The following SAMD5 variants were observed in gnomAD, a reference collection of about 807,000 sequenced individuals.
SAMD5 encodes sterile alpha motif domain-containing protein 5.
Under a neutral mutation model 11.3 loss-of-function variants are expected in SAMD5, and 13 were observed. The observed-to-expected ratio is 1.15, with a 90% CI of 0.75 to 1.83. SAMD5 has a LOEUF of 1.83. Among genes scored for constraint, SAMD5 ranks in the 40% most tolerant of loss-of-function variants. The pLI is 0.00. For synonymous variants in SAMD5, 129 were observed against 111.3 expected (o/e 1.16, Z -1.00); for missense variants, 255 against 239.1 (o/e 1.07, Z -0.44).
At chr6:147,708,592 T>A (rs1431404885) in intron 1 of SAMD5, among the ~76,000 whole-genome samples, 1 of 152,220 alleles carries the variant, frequency 6.6e-6, no homozygotes, top group Admixed American at 6.5e-5. Flanking sequence ...GAAGTGGAAA[T>A]ATTTCTAGAA....
At chr6:147,601,957 A>G (rs1410947853) in intron 1 of SAMD5, among the ~76,000 whole-genome samples, 3 of 152,210 alleles carry the variant, frequency 2.0e-5, no homozygotes, top group African/African-American at 7.2e-5. Flanking sequence ...TTGTCCTAAA[A>G]GAAGGGGCTG....
intron 1 of SAMD5, among the ~76,000 whole-genome samples, chr6:147,577,855 A>G (rs1789239146): frequency 6.6e-6 from 1 of 151,924 alleles, no homozygotes; most frequent in South Asian, 2.1e-4. Flanking sequence ...AACTGAATAT[A>G]TATGTAAATC....
chr6:147,647,134 C>A (rs796466107), intron 1 of SAMD5, among the ~76,000 whole-genome samples: 11 of 151,654 alleles, frequency 7.3e-5, no homozygotes, highest in African/African-American at 2.2e-4. Context: ...GCCATTGCAC[C>A]CCAGCCTGAG....
At chr6:147,790,522 A>G in the SAMD5 span, among the ~76,000 whole-genome samples, 1 of 152,212 alleles carries the variant, frequency 6.6e-6, no homozygotes, top group African/African-American at 2.4e-5. Context: ...TGCAAAGTTG[A>G]CAAGGGGTGA....
the SAMD5 span, among the ~76,000 whole-genome samples, chr6:147,930,753 G>A: frequency 6.6e-6 from 1 of 152,166 alleles, no homozygotes; most frequent in African/African-American, 2.4e-5. Context: ...GGAGTCTGAT[G>A]TGCAAAGGCA....
At chr6:147,664,158 T>C (rs1790685038) in intron 1 of SAMD5, among the ~76,000 whole-genome samples, 1 of 152,162 alleles carries the variant, frequency 6.6e-6, no homozygotes, top group South Asian at 2.1e-4. Context: ...TTAAATTTTC[T>C]GGTGCTGGAT....
At chr6:147,636,590 T>C (rs1402683010) in intron 1 of SAMD5, among the ~76,000 whole-genome samples, 1 of 152,220 alleles carries the variant, frequency 6.6e-6, no homozygotes, top group African/African-American at 2.4e-5. Flanking sequence ...TCTGTCACTT[T>C]TTACCAATTT....
Position 147,598,626 on chromosome 6 carries a change from A to G in SAMD5, c.162+89239A>G, listed in dbSNP as rs553732538. On this transcript the variant is annotated intron_variant, in intron 1 of 1. Transcript: ENST00000566741. Reference sequence around the variant, plus strand: ...GTAGCCATGAGAAATTGCACTGGGAAGACCGAATAGAATCCAGACATCTCG... The same window carrying G: ...GTAGCCATGAGAAATTGCACTGGGAGGACCGAATAGAATCCAGACATCTCG... 5.3e-5 allele frequency among the ~76,000 whole-genome samples: 8 copies of G among 152,310 alleles called. No homozygotes were observed. In the South Asian group the frequency reaches 1.7e-3, roughly 32 times the overall value.
the SAMD5 span, among the ~76,000 whole-genome samples, chr6:147,756,454 T>C: frequency 3.3e-5 from 5 of 152,194 alleles, no homozygotes; most frequent in African/African-American, 1.2e-4. Flanking sequence ...TAAAAACGTT[T>C]AAAAAGTGGT....
intron 1 of SAMD5, among the ~76,000 whole-genome samples, chr6:147,641,221 A>G (rs1790307405): frequency 6.6e-6 from 1 of 152,212 alleles, no homozygotes; most frequent in African/African-American, 2.4e-5. Flanking sequence ...TGATTCAAAT[A>G]TGGATGTCCA....
intron 1 of SAMD5, among the ~76,000 whole-genome samples, chr6:147,638,106 TCTCTCTCTCCCTCC>T (rs1158910459): frequency 6.6e-6 from 1 of 151,574 alleles, no homozygotes; most frequent in African/African-American, 2.4e-5. Flanking sequence ...GAGTGTTCTC[TCTCTCTCTCCCTCC>T]CTCTCTCTCC....
intron 1 of SAMD5, among the ~76,000 whole-genome samples, chr6:147,607,878 C>A (rs1789725720): frequency 6.6e-6 from 1 of 152,152 alleles, no homozygotes; most frequent in African/African-American, 2.4e-5. Flanking sequence ...TATTTGCAAA[C>A]TACCCATCTG....
chr6:147,533,681 CCT>C (rs1263332501), intron 1 of SAMD5, among the ~76,000 whole-genome samples: 1 of 151,990 alleles, frequency 6.6e-6, no homozygotes, highest in Non-Finnish European at 1.5e-5. Flanking sequence ...CTCCCCGCCT[CCT>C]CTCTTATTTT....
chr6:147,853,632 T>C, the SAMD5 span, among the ~76,000 whole-genome samples: 1 of 152,096 alleles, frequency 6.6e-6, no homozygotes, highest in Non-Finnish European at 1.5e-5. Flanking sequence ...ATGAGAATTT[T>C]TTTTTTTTTT....
intron 1 of SAMD5, among the ~76,000 whole-genome samples, chr6:147,630,794 A>G (rs561963621): frequency 2.0e-5 from 3 of 152,254 alleles, no homozygotes; most frequent in South Asian, 4.1e-4. Flanking sequence ...CCACACTTCA[A>G]TCTCTCCCTT....
intron 1 of SAMD5, among the ~76,000 whole-genome samples, chr6:147,583,059 G>A (rs535220573): frequency 6.6e-6 from 1 of 152,274 alleles, no homozygotes; most frequent in East Asian, 1.9e-4. Flanking sequence ...AAGACTTAAA[G>A]ATTTCTTAAA....
chr6:147,805,355 T>G, the SAMD5 span, among the ~76,000 whole-genome samples: 1 of 152,196 alleles, frequency 6.6e-6, no homozygotes. Context: ...TGTCACTCAT[T>G]GCCCCATCTG....
intron 1 of SAMD5, among the ~76,000 whole-genome samples, chr6:147,710,841 A>G (rs987853260): frequency 2.0e-5 from 3 of 152,048 alleles, no homozygotes; most frequent in Non-Finnish European, 4.4e-5. Flanking sequence ...GGGGACTACT[A>G]TACTTGTTAC....
At chr6:147,638,000 C>G (rs1429942599) in intron 1 of SAMD5, among the ~76,000 whole-genome samples, 1 of 152,068 alleles carries the variant, frequency 6.6e-6, no homozygotes, top group East Asian at 1.9e-4. Flanking sequence ...GTTAGCATAT[C>G]ACATTCCTAC....
Sources: gnomAD v4.1 joint callset for allele counts (sites outside exome capture counted in the v4.1 genomes callset) on GRCh38, gnomAD v4.1.1 for gene constraint, MANE v1.5 for transcripts, NCBI Gene and HGNC (gene_info 2026-07-23, HGNC 2026-07-21) for gene names.